Variants in ZNRF3 observed in about 807,000 individuals in gnomAD.
ZNRF3 encodes the protein E3 ubiquitin-protein ligase ZNRF3.
ZNRF3 carries 23 observed loss-of-function variants against 72.5 expected under a neutral mutation model. That is an observed-to-expected ratio of 0.32 (90% CI 0.23 to 0.45). The LOEUF is 0.45. Among genes scored for constraint, ZNRF3 ranks in the 20% least tolerant of loss-of-function variants. The probability of loss-of-function intolerance (pLI) is 1.00; values close to 1 mark genes in which losing one functional copy is unlikely to be tolerated. For synonymous variants in ZNRF3, 610 were observed against 545.3 expected (o/e 1.12, Z -1.65); for missense variants, 1,169 against 1,272.1 (o/e 0.92, Z 1.23).
At chr22:29,035,829 C>T (rs374502407) in intron 2 of ZNRF3, among the ~76,000 whole-genome samples, 128 of 152,242 alleles carry the variant, frequency 8.4e-4, no homozygotes, top group African/African-American at 3.0e-3. Flanking sequence ...ATCCACCCTC[C>T]TTGGCCTCCC....
chr22:29,024,525 TTTC>T (rs772423127), intron 2 of ZNRF3, among the ~76,000 whole-genome samples: 3 of 152,060 alleles, frequency 2.0e-5, no homozygotes, highest in Non-Finnish European at 4.4e-5. Flanking sequence ...CAGCAGTGCC[TTTC>T]TTCTTCTTGC....
intron 1 of ZNRF3, among the ~76,000 whole-genome samples, chr22:28,942,824 T>TA (rs1384065827): frequency 6.6e-6 from 1 of 152,234 alleles, no homozygotes; most frequent in African/African-American, 2.4e-5. Flanking sequence ...GAACCAGTGA[T>TA]AAGTCTCCTC....
At chr22:28,993,380 A>G (rs886193260) in intron 2 of ZNRF3, among the ~76,000 whole-genome samples, 1 of 152,216 alleles carries the variant, frequency 6.6e-6, no homozygotes, top group African/African-American at 2.4e-5. Context: ...AAGGTGGAAA[A>G]CTATGTTGAA....
intron 1 of ZNRF3, among the ~76,000 whole-genome samples, chr22:28,962,085 G>T (rs985184867): frequency 2.0e-5 from 3 of 152,106 alleles, no homozygotes; most frequent in Non-Finnish European, 4.4e-5. Flanking sequence ...TAACACAGTG[G>T]TCACCAGCCT....
chr22:29,000,051 G>A (rs1190473069), intron 2 of ZNRF3, among the ~76,000 whole-genome samples: 2 of 152,230 alleles, frequency 1.3e-5, no homozygotes, highest in Non-Finnish European at 1.5e-5. Flanking sequence ...TCCAAATCAA[G>A]CATCAGGCTC....
At chr22:29,022,459 C>T (rs891681225) in intron 2 of ZNRF3, among the ~76,000 whole-genome samples, 1 of 151,644 alleles carries the variant, frequency 6.6e-6, no homozygotes, top group African/African-American at 2.4e-5. Context: ...CTTGGTTGGT[C>T]CCTGCCCATC....
chr22:28,891,048 T>C (rs546101472), intron 1 of ZNRF3, among the ~76,000 whole-genome samples: 4 of 152,212 alleles, frequency 2.6e-5, no homozygotes, highest in South Asian at 2.1e-4. Context: ...AGAGCCACCA[T>C]ATCTGGTCAG....
At chr22:28,942,594 A>G (rs1270511785) in intron 1 of ZNRF3, among the ~76,000 whole-genome samples, 2 of 152,172 alleles carry the variant, frequency 1.3e-5, no homozygotes, top group African/African-American at 4.8e-5. Flanking sequence ...GAGAGAGTGG[A>G]ATTTGATTCT....
chr22:28,887,397 T>A (rs1332342176), intron 1 of ZNRF3, among the ~76,000 whole-genome samples: 1 of 151,938 alleles, frequency 6.6e-6, no homozygotes, highest in Non-Finnish European at 1.5e-5. Flanking sequence ...ATTGTGTCAG[T>A]TTGTCAGTGT....
At position 29,003,254 on chromosome 22, in the gene ZNRF3, T is replaced by C. The variant is rs139154476; in HGVS notation, c.426+16053T>C. Among the ~76,000 whole-genome samples, 1,016 of 152,244 alleles carry C rather than the reference T, an allele frequency of 6.7e-3. 11 individuals carry two copies. The highest frequency in any genetic ancestry group is 0.023 in the African/African-American group (945 of 41,556). ...TGTTTTGGCTGGGCGCAGTGGCTCATGTCTGTAATCCCAGCACTTTGGGAG... is the reference window on the plus strand; with the variant it reads ...TGTTTTGGCTGGGCGCAGTGGCTCACGTCTGTAATCCCAGCACTTTGGGAG... On this transcript the variant is annotated intron_variant, in intron 2 of 8. Coordinates refer to ENST00000544604, the MANE Select transcript of ZNRF3 (RefSeq NM_001206998.2).
intron 2 of ZNRF3, chr22:29,031,486 G>C (rs1332084629): frequency 1.4e-6 from 1 of 694,176 alleles, no homozygotes; most frequent in African/African-American, 1.9e-5. Flanking sequence ...GGCCTTGGGA[G>C]CCCCCTTGCC....
chr22:29,047,922 C>T (rs1013319313), intron 6 of ZNRF3, among the ~76,000 whole-genome samples: 52 of 152,298 alleles, frequency 3.4e-4, no homozygotes, highest in African/African-American at 1.2e-3. Context: ...TTTGCTGCCA[C>T]ACCTGTCAAT....
At chr22:28,939,396 A>G (rs781576812) in intron 1 of ZNRF3, among the ~76,000 whole-genome samples, 1 of 152,226 alleles carries the variant, frequency 6.6e-6, no homozygotes, top group African/African-American at 2.4e-5. Context: ...ATATGTACAT[A>G]TAATGTGTTT....
chr22:28,910,196 C>T (rs975386075), intron 1 of ZNRF3, among the ~76,000 whole-genome samples: 3 of 152,002 alleles, frequency 2.0e-5, no homozygotes, highest in Non-Finnish European at 2.9e-5. Context: ...CCACCACAAC[C>T]GGCTAATTTT....
At chr22:28,995,171 C>A (rs532840954) in intron 2 of ZNRF3, among the ~76,000 whole-genome samples, 78 of 152,200 alleles carry the variant, frequency 5.1e-4, no homozygotes, top group African/African-American at 1.6e-3. Flanking sequence ...GGGTGGCTCA[C>A]GCCTGTAATC....
chr22:28,948,902 T>G (rs1163634835), intron 1 of ZNRF3, among the ~76,000 whole-genome samples: 1 of 152,246 alleles, frequency 6.6e-6, no homozygotes, highest in East Asian at 1.9e-4. Context: ...ATTTAGAAAA[T>G]ATTGATTCAC....
At chr22:28,974,176 T>C (rs982994843) in intron 1 of ZNRF3, among the ~76,000 whole-genome samples, 1 of 152,078 alleles carries the variant, frequency 6.6e-6, no homozygotes, top group Non-Finnish European at 1.5e-5. Context: ...TTAGCCAGGA[T>C]GGTCTCGATC....
intron 2 of ZNRF3, among the ~76,000 whole-genome samples, chr22:28,996,031 C>T (rs1413462775): frequency 6.6e-6 from 1 of 152,240 alleles, no homozygotes; most frequent in Admixed American, 6.5e-5. Flanking sequence ...CTTCCTTGGC[C>T]TCCCAAAGTG....
chr22:28,900,473 A>G (rs576432394), intron 1 of ZNRF3, among the ~76,000 whole-genome samples: 3 of 152,354 alleles, frequency 2.0e-5, no homozygotes, highest in South Asian at 2.1e-4. Context: ...CTGGAAGGGA[A>G]TTGATCAAGT....
Sources: allele counts gnomAD v4.1 joint callset (sites outside exome capture counted in the v4.1 genomes callset), GRCh38; gene constraint gnomAD v4.1.1; transcripts MANE v1.5; gene names NCBI Gene and HGNC (gene_info 2026-07-23, HGNC 2026-07-21).